Variants in VPS37A observed in about 807,000 individuals in gnomAD.
VPS37A encodes vacuolar protein sorting-associated protein 37A.
A neutral mutation model predicts 49.8 loss-of-function variants in VPS37A; 30 were observed. The ratio of observed to expected loss-of-function variants is 0.60; its 90% confidence interval spans 0.45 to 0.82. VPS37A has a LOEUF of 0.82. Ranked by LOEUF, VPS37A falls within the 40% of genes least tolerant of loss-of-function variation. The pLI is 0.00. For missense variants in VPS37A, 593 were observed against 464.4 expected (o/e 1.28, Z -2.55); for synonymous variants, 195 against 160.6 (o/e 1.21, Z -1.62).
chr8:17,306,052 C>A (rs1817433786), downstream of VPS37A: 2 of 936,368 alleles, frequency 2.1e-6, no homozygotes, highest in South Asian at 1.8e-5. Flanking sequence ...AACCCTAGTT[C>A]CTAAATAAAT....
intron 11 of VPS37A, among the ~76,000 whole-genome samples, chr8:17,291,948 G>T (rs1388904855): frequency 6.6e-5 from 10 of 152,162 alleles, no homozygotes; most frequent in Non-Finnish European, 1.2e-4. Flanking sequence ...GGTATATTCT[G>T]TTGATTATGG....
rs1052742692 is a variant in VPS37A at position 17,247,140 on chromosome 8, G to C, written c.-105G>C. 2,140 of 1,483,414 alleles carry C rather than the reference G, an allele frequency of 1.4e-3. 2 individuals are homozygous for C. The highest frequency in any genetic ancestry group is 1.8e-3 in the Non-Finnish European group (1,939 of 1,097,828). The allele number at this position is 1,483,414 out of a possible 1,614,324, so 91.9% of individuals were successfully genotyped here. ...ACGCGGTCCCCAGCGCTTGGGCCAC[G>C]GACGTCCCACCCCGCTCCTCTGTCG... On this transcript the variant is annotated 5_prime_UTR_variant, in exon 1 of 12. Coordinates refer to ENST00000324849, the MANE Select transcript of VPS37A (RefSeq NM_152415.3).
chr8:17,311,472 A>C, the VPS37A span: 1 of 1,613,408 alleles, frequency 6.2e-7, no homozygotes, highest in Non-Finnish European at 8.5e-7. Context: ...TTCCTGGTCA[A>C]GGCACCGCCT....
the VPS37A span, chr8:17,309,319 A>C: frequency 6.4e-7 from 1 of 1,560,918 alleles, no homozygotes; most frequent in East Asian, 2.2e-5. Context: ...GTCCTTTTCA[A>C]TTAATACCTA....
the VPS37A span, chr8:17,313,265 T>G: frequency 6.5e-7 from 1 of 1,543,842 alleles, no homozygotes; most frequent in Non-Finnish European, 8.9e-7. Context: ...ATCTGTCCCT[T>G]AATTTATTTT....
chr8:17,290,270 G>A (rs1816015646), intron 11 of VPS37A, among the ~76,000 whole-genome samples: 1 of 152,082 alleles, frequency 6.6e-6, no homozygotes. Context: ...GTTTTCAAAG[G>A]CAATGCTTCC....
At position 17,264,115 on chromosome 8, in the gene VPS37A, A is replaced by AT. The variant is rs200187967; in HGVS notation, c.126-1784dup. 8.1e-3 allele frequency among the ~76,000 whole-genome samples: 1,237 copies of AT among 152,068 alleles called. 9 individuals carry two copies. Among genetic ancestry groups the AT allele is most frequent in the Non-Finnish European group, 0.013 (893 of 67,972 alleles). ...TCTAACAAATCTTTTAGGTGGGTAG[A>AT]TTTTTTTTAACATCTCCCTTTCCCA... On this transcript the variant is annotated intron_variant, in intron 1 of 11. Coordinates refer to ENST00000324849, the MANE Select transcript of VPS37A (RefSeq NM_152415.3).
intron 9 of VPS37A, among the ~76,000 whole-genome samples, chr8:17,281,145 G>T (rs1815019513): frequency 6.6e-6 from 1 of 151,932 alleles, no homozygotes; most frequent in Admixed American, 6.6e-5. Flanking sequence ...TCAGAATAAA[G>T]AAATAATAGC....
chr8:17,282,335 T>C (rs901471756), intron 9 of VPS37A, among the ~76,000 whole-genome samples: 14 of 152,110 alleles, frequency 9.2e-5, no homozygotes, highest in Non-Finnish European at 2.1e-4. Flanking sequence ...CATTGTATCA[T>C]ACAATACACA....
chr8:17,247,854 G>A (rs549644032), intron 1 of VPS37A: 2 of 679,198 alleles, frequency 2.9e-6, no homozygotes, highest in Non-Finnish European at 5.4e-6. Context: ...TCTCGTCTGA[G>A]AGTCACTTAT....
At chr8:17,309,226 G>A in the VPS37A span, 1 of 1,206,180 alleles carries the variant, frequency 8.3e-7, no homozygotes, top group Non-Finnish European at 1.2e-6. Context: ...GAAATTTTCA[G>A]AAACAGTGCT....
At chr8:17,259,099 C>T (rs1195464488) in intron 1 of VPS37A, among the ~76,000 whole-genome samples, 2 of 151,920 alleles carry the variant, frequency 1.3e-5, no homozygotes, top group African/African-American at 4.8e-5. Context: ...TTGATTTCTG[C>T]TCTGATATTT....
At chr8:17,313,704 G>T in the VPS37A span, among the ~76,000 whole-genome samples, 1 of 152,044 alleles carries the variant, frequency 6.6e-6, no homozygotes, top group Non-Finnish European at 1.5e-5. Context: ...AGAAAATATC[G>T]ATTTGCCTTT....
intron 1 of VPS37A, 144 bp downstream of exon 1, chr8:17,247,513 C>T (rs1811386433): frequency 2.7e-6 from 3 of 1,095,292 alleles, no homozygotes; most frequent in African/African-American, 1.6e-5. Flanking sequence ...CACGCTTGCT[C>T]TGCCACTCCT....
rs1013064050 is a variant in VPS37A at position 17,297,162 on chromosome 8, G to A, written c.*2176G>A. The A allele has an allele frequency of 6.6e-6, 1 of 152,170 alleles. No homozygotes were observed. The highest frequency in any genetic ancestry group is 1.5e-5 in the Non-Finnish European group (1 of 68,010). The allele number at this position is 152,170 out of a possible 1,614,324, so 9.4% of individuals were successfully genotyped here. A position where few individuals can be genotyped will look rare whatever the true frequency, so the allele number is the denominator to read the frequency against. On this transcript the variant is annotated 3_prime_UTR_variant, in exon 12 of 12. Transcript: ENST00000324849. ...TATTCTGATTTTACAAGATGAGATA[G>A]AAATCAGAATTAAAGAGGAATACTT...
At chr8:17,249,676 C>CTT (rs1294914822) in intron 1 of VPS37A, among the ~76,000 whole-genome samples, 4 of 152,106 alleles carry the variant, frequency 2.6e-5, no homozygotes, top group Non-Finnish European at 5.9e-5. Flanking sequence ...AAAAAATAAT[C>CTT]TGTCTGTATG....
At chr8:17,323,750 G>A in the VPS37A span, among the ~76,000 whole-genome samples, 4 of 151,986 alleles carry the variant, frequency 2.6e-5, no homozygotes, top group East Asian at 1.9e-4. Context: ...AGCAAATATC[G>A]AACTGCCAAA....
chr8:17,304,503 A>G (rs561994344), downstream of VPS37A: 3 of 1,613,572 alleles, frequency 1.9e-6, no homozygotes, highest in South Asian at 2.2e-5. Flanking sequence ...CATAATGAGT[A>G]TGTTCTTTCT....
the VPS37A span, among the ~76,000 whole-genome samples, chr8:17,325,224 G>A: frequency 6.6e-6 from 1 of 152,020 alleles, no homozygotes; most frequent in Admixed American, 6.6e-5. Context: ...CTGCCTCCAA[G>A]GCACCTTGGC....
Sources: gnomAD v4.1 joint callset for allele counts (sites outside exome capture counted in the v4.1 genomes callset) on GRCh38, gnomAD v4.1.1 for gene constraint, MANE v1.5 for transcripts, NCBI Gene and HGNC (gene_info 2026-07-23, HGNC 2026-07-21) for gene names.